Variants in PRR5L observed in about 807,000 individuals in gnomAD.
The protein encoded by PRR5L is proline rich 5 like.
PRR5L carries 21 observed loss-of-function variants against 36.4 expected under a neutral mutation model. That is an observed-to-expected ratio of 0.58 (90% CI 0.41 to 0.83). The LOEUF is 0.83. Among genes scored for constraint, PRR5L ranks in the 40% least tolerant of loss-of-function variants. PRR5L has a pLI of 0.00. For missense variants in PRR5L, 381 were observed against 473.3 expected, an observed-to-expected ratio of 0.80 and a Z score of 1.81; for synonymous variants, 188 against 197.0, an observed-to-expected ratio of 0.95 and a Z score of 0.38.
chr11:36,407,793 T>A (rs1857941124), intron 3 of PRR5L, among the ~76,000 whole-genome samples: 1 of 152,240 alleles, frequency 6.6e-6, no homozygotes, highest in Non-Finnish European at 1.5e-5. Context: ...TTTATGTAAC[T>A]GAGTCTTGTA....
rs371450156 is a variant in PRR5L at position 36,381,929 on chromosome 11, C to T, written c.-125-19068C>T. Among the ~76,000 whole-genome samples, 31 of 151,974 alleles carry T rather than the reference C, an allele frequency of 2.0e-4. 1 individual carries two copies. The highest frequency in any genetic ancestry group is 3.9e-4 in the Admixed American group (6 of 15,258). Reference sequence around the variant, plus strand: ...ATCCCAGCACTTTGGGAGGCCGAGGCGGGTGGATCATGAGGTCAGGAGATC... The same window carrying T: ...ATCCCAGCACTTTGGGAGGCCGAGGTGGGTGGATCATGAGGTCAGGAGATC... On this transcript the variant is annotated intron_variant, in intron 1 of 8. Transcript: ENST00000530639.
intron 1 of PRR5L, chr11:36,297,334 G>A (rs1484414192): frequency 1.3e-5 from 2 of 152,092 alleles, no homozygotes; most frequent in Non-Finnish European, 1.5e-5. Context: ...GAATTTTTTC[G>A]TTTGTTTATT....
rs572236496 is a variant in PRR5L at position 36,376,386 on chromosome 11, G to A, written c.-125-24611G>A. On this transcript the variant is annotated intron_variant, in intron 1 of 8. Transcript: ENST00000530639. ...GAGGAGGAGGAGGAGGCGGCCGTAA[G>A]ATGAGAGAGGAGGGAAACGTGTCAC... 48 of 1,165,206 alleles carry A rather than the reference G, an allele frequency of 4.1e-5. No homozygotes were observed. The African/African-American group carries it at 6.9e-4, about 17-fold the overall frequency. 72.2% of individuals were successfully genotyped at this position (1,165,206 alleles called of 1,614,324 possible).
chr11:36,304,165 T>C (rs918889999), intron 1 of PRR5L, among the ~76,000 whole-genome samples: 1 of 152,250 alleles, frequency 6.6e-6, no homozygotes, highest in Non-Finnish European at 1.5e-5. Context: ...GAATTCCTCA[T>C]TATTTTTTTC....
chr11:36,369,067 A>T (rs1353222623), intron 1 of PRR5L, among the ~76,000 whole-genome samples: 1 of 151,990 alleles, frequency 6.6e-6, no homozygotes, highest in African/African-American at 2.4e-5. Flanking sequence ...GCACAAAAGG[A>T]GGTTTGGGAA....
At chr11:36,461,203 C>T (rs1859171063) in intron 8 of PRR5L, among the ~76,000 whole-genome samples, 1 of 152,188 alleles carries the variant, frequency 6.6e-6, no homozygotes, top group Non-Finnish European at 1.5e-5. Context: ...CTCTCTGAGA[C>T]TCAGTTTTCT....
chr11:36,407,591 C>T (rs1244230965), intron 3 of PRR5L, among the ~76,000 whole-genome samples: 1 of 152,208 alleles, frequency 6.6e-6, no homozygotes, highest in Non-Finnish European at 1.5e-5. Flanking sequence ...GTTCTCCATT[C>T]TACTGAACCC....
At chr11:36,362,781 T>C (rs565589351) in intron 1 of PRR5L, among the ~76,000 whole-genome samples, 14 of 152,290 alleles carry the variant, frequency 9.2e-5, no homozygotes, top group African/African-American at 3.4e-4. Flanking sequence ...TGTGCTGTCA[T>C]TGATTTTATA....
chr11:36,382,311 C>G, intron 1 of PRR5L, among the ~76,000 whole-genome samples: 1 of 152,200 alleles, frequency 6.6e-6, no homozygotes, highest in East Asian at 1.9e-4. Flanking sequence ...CTGCCATAAG[C>G]AAGCTGTATG....
intron 1 of PRR5L, among the ~76,000 whole-genome samples, chr11:36,354,105 T>A (rs945808990): frequency 6.6e-6 from 1 of 152,196 alleles, no homozygotes; most frequent in Non-Finnish European, 1.5e-5. Context: ...CAATTCTGGC[T>A]TACTATTACT....
In PRR5L at chr11:36,377,807, A is replaced by G. The variant is rs1344821372; in HGVS notation, c.-125-23190A>G. On this transcript the variant is annotated intron_variant, in intron 1 of 8. Coordinates refer to ENST00000530639, the MANE Select transcript of PRR5L (RefSeq NM_001160167.2). The surrounding 1 kb of genome is among the most constrained non-coding windows in gnomAD (Gnocchi z 5.1). ...ATGCGCCCCACAAGACGAAAGGTTCACGCGCTGCGTCTGAGCTGCACGTCT... is the reference window on the plus strand; with the variant it reads ...ATGCGCCCCACAAGACGAAAGGTTCGCGCGCTGCGTCTGAGCTGCACGTCT... 1 of 152,270 alleles carries G rather than the reference A, an allele frequency of 6.6e-6. No individual in the cohort carries two copies. The highest frequency in any genetic ancestry group is 1.5e-5 in the Non-Finnish European group (1 of 68,078). 9.4% of individuals were successfully genotyped at this position (152,270 alleles called of 1,614,324 possible). A position where few individuals can be genotyped will look rare whatever the true frequency, so the allele number is the denominator to read the frequency against.
chr11:36,397,899 G>T (rs1388887480), intron 1 of PRR5L, among the ~76,000 whole-genome samples: 1 of 151,912 alleles, frequency 6.6e-6, no homozygotes, highest in Non-Finnish European at 1.5e-5. Flanking sequence ...AGGTTCAAGC[G>T]ATTCTCCTGC....
chr11:36,385,512 C>T (rs1857441050), intron 1 of PRR5L, among the ~76,000 whole-genome samples: 3 of 152,176 alleles, frequency 2.0e-5, no homozygotes, highest in African/African-American at 7.2e-5. Flanking sequence ...TAGTGAACAC[C>T]GTTAAGCAGA....
At chr11:36,376,875 C>T (rs975059365) in intron 1 of PRR5L, among the ~76,000 whole-genome samples, 7 of 152,032 alleles carry the variant, frequency 4.6e-5, no homozygotes, top group Non-Finnish European at 8.8e-5. Context: ...GGAACTCCTG[C>T]ATGGTTAAGG....
chr11:36,381,928 G>A (rs1857375443), intron 1 of PRR5L, among the ~76,000 whole-genome samples: 1 of 152,086 alleles, frequency 6.6e-6, no homozygotes, highest in Admixed American at 6.6e-5. Context: ...GGAGGCCGAG[G>A]CGGGTGGATC....
At chr11:36,424,685 C>T (rs545496780) in intron 4 of PRR5L, among the ~76,000 whole-genome samples, 5 of 152,298 alleles carry the variant, frequency 3.3e-5, no homozygotes, top group South Asian at 2.1e-4. Context: ...TTTTCAAGCA[C>T]GTACATGCTG....
chr11:36,329,200 A>G (rs1359313231), intron 1 of PRR5L: 1 of 152,176 alleles, frequency 6.6e-6, no homozygotes, highest in Non-Finnish European at 1.5e-5. Flanking sequence ...GACAGTGGCA[A>G]TGTTATCGTC....
intron 2 of PRR5L, 80 bp from the exon 3 acceptor site, chr11:36,403,218 A>C: frequency 2.4e-6 from 3 of 1,240,172 alleles, no homozygotes; most frequent in Non-Finnish European, 3.5e-6. Flanking sequence ...GTCACTCCAC[A>C]CACCTTCAGC....
At chr11:36,427,788 A>G (rs1421362746) in intron 4 of PRR5L, among the ~76,000 whole-genome samples, 3 of 152,182 alleles carry the variant, frequency 2.0e-5, no homozygotes, top group African/African-American at 7.2e-5. Flanking sequence ...CCTGAATGCC[A>G]TTCTTCTCAC....
Sources: gnomAD v4.1 joint callset for allele counts (sites outside exome capture counted in the v4.1 genomes callset) on GRCh38, gnomAD v4.1.1 for gene constraint, Gnocchi (gnomAD v3.1) non-coding constraint, MANE v1.5 for transcripts, NCBI Gene and HGNC (gene_info 2026-07-23, HGNC 2026-07-21) for gene names.